The following PDZRN3 variants were observed in gnomAD, a reference collection of about 807,000 sequenced individuals.
PDZRN3 encodes the protein PDZ domain containing ring finger 3, also known as E3 ubiquitin-protein ligase PDZRN3.
In PDZRN3, 38 loss-of-function variants were observed where a neutral mutation model predicts 85.7. That is an observed-to-expected ratio of 0.44 (90% CI 0.34 to 0.58). PDZRN3 has a LOEUF of 0.58. Among genes scored for constraint, PDZRN3 ranks in the 20% least tolerant of loss-of-function variants. The pLI is 0.01. For synonymous variants in PDZRN3, 759 were observed against 638.0 expected (o/e 1.19, Z -2.86); for missense variants, 1,629 against 1,506.4 (o/e 1.08, Z -1.35).
chr3:73,467,866 A>G (rs1353613386), intron 3 of PDZRN3, among the ~76,000 whole-genome samples: 9 of 152,216 alleles, frequency 5.9e-5, no homozygotes, highest in Non-Finnish European at 1.0e-4. Flanking sequence ...CAAGTACTAT[A>G]TAATTCCACT....
chr3:73,452,233 C>A (rs1371001177), intron 3 of PDZRN3, among the ~76,000 whole-genome samples: 1 of 152,090 alleles, frequency 6.6e-6, no homozygotes, highest in African/African-American at 2.4e-5. Flanking sequence ...TGTGGGGCTA[C>A]ACGACTCAAA....
intron 3 of PDZRN3, among the ~76,000 whole-genome samples, chr3:73,570,580 G>A (rs1702032167): frequency 6.6e-6 from 1 of 152,154 alleles, no homozygotes; most frequent in Non-Finnish European, 1.5e-5. Flanking sequence ...AAAAGAGAAG[G>A]AATCCTCTCT....
At chr3:73,581,637 C>A (rs1702203170) in intron 3 of PDZRN3, among the ~76,000 whole-genome samples, 1 of 152,104 alleles carries the variant, frequency 6.6e-6, no homozygotes, top group South Asian at 2.1e-4. Flanking sequence ...GTCAATGGAA[C>A]TGTCACTGAA....
At chr3:73,402,957 T>C (rs1701782115) in intron 4 of PDZRN3, among the ~76,000 whole-genome samples, 1 of 149,678 alleles carries the variant, frequency 6.7e-6, no homozygotes, top group South Asian at 2.1e-4. Context: ...TTTTTTTTTT[T>C]TTTTGAGACG....
chr3:73,406,599 A>G (rs148970805), intron 3 of PDZRN3, among the ~76,000 whole-genome samples: 201 of 152,322 alleles, frequency 1.3e-3, no homozygotes, highest in Non-Finnish European at 1.7e-3. Flanking sequence ...TTCCCTGGGA[A>G]TGGCTTGCAC....
intron 1 of PDZRN3, among the ~76,000 whole-genome samples, chr3:73,619,650 C>T (rs1458636322): frequency 1.3e-5 from 2 of 152,048 alleles, no homozygotes; most frequent in Non-Finnish European, 2.9e-5. Context: ...GAGAGGAGCT[C>T]AGGGGCACAT....
rs1158851484 is a variant in PDZRN3, at chr3:73,383,177, A to G, written c.*188T>C. 3 of 535,940 alleles carry G rather than the reference A, an allele frequency of 5.6e-6. No homozygotes were observed. Among genetic ancestry groups the G allele is most frequent in the Non-Finnish European group, 3.2e-6 (1 of 309,386 alleles). The allele number at this position is 535,940 out of a possible 1,614,324, so 33.2% of individuals were successfully genotyped here. On this transcript the variant is annotated 3_prime_UTR_variant, in exon 10 of 10. Transcript: ENST00000263666. ...GTTAATATTGCCTTCCAAGATAGTAAGGGTGTTTTTCTCTCTCTTCCCTTA... is the reference window on the plus strand; with the variant it reads ...GTTAATATTGCCTTCCAAGATAGTAGGGGTGTTTTTCTCTCTCTTCCCTTA...
chr3:73,476,836 C>T (rs940343881), intron 3 of PDZRN3, among the ~76,000 whole-genome samples: 4 of 152,192 alleles, frequency 2.6e-5, no homozygotes, highest in African/African-American at 7.2e-5. Context: ...AGCCGACCCT[C>T]AGCTGAGCCT....
intron 3 of PDZRN3, among the ~76,000 whole-genome samples, chr3:73,415,984 CAAAAAA>C (rs34623609): frequency 6.7e-4 from 42 of 62,318 alleles, no homozygotes; most frequent in Admixed American, 2.2e-3. Flanking sequence ...CTTTCATCAC[CAAAAAA>C]AAAAAAAAAA....
At chr3:73,523,445 T>G (rs903137299) in intron 3 of PDZRN3, among the ~76,000 whole-genome samples, 5 of 149,472 alleles carry the variant, frequency 3.3e-5, no homozygotes, top group African/African-American at 9.8e-5. Context: ...AGTCACAAAT[T>G]GCAATAGCTA....
rs61045025 is a variant in PDZRN3 at position 73,584,980 on chromosome 3, A to G, written c.918+17374T>C. Among the ~76,000 whole-genome samples, 930 of 152,354 alleles carry G rather than the reference A, an allele frequency of 6.1e-3. 8 individuals are homozygous for G. Among genetic ancestry groups the G allele is most frequent in the African/African-American group, 0.021 (893 of 41,582 alleles). ...CTTTACTCCTTTAGAAATCTTTAAA[A>G]AAATTTTTTTTCAAAATAAACTATT... On this transcript the variant is annotated intron_variant, in intron 3 of 9. Coordinates refer to ENST00000263666, the MANE Select transcript of PDZRN3 (RefSeq NM_015009.3).
chr3:73,416,347 A>G (rs745354680), intron 3 of PDZRN3, among the ~76,000 whole-genome samples: 3 of 152,138 alleles, frequency 2.0e-5, no homozygotes, highest in Non-Finnish European at 4.4e-5. Flanking sequence ...AAATGCAAAC[A>G]CTAAATTTCA....
chr3:73,569,441 C>G, intron 3 of PDZRN3: 1 of 1,140,008 alleles, frequency 8.8e-7, no homozygotes, highest in Non-Finnish European at 1.1e-6. Context: ...GTCACGTTCT[C>G]TTAAGCCCCG....
At chr3:73,600,775 C>G (rs764909008) in intron 3 of PDZRN3, among the ~76,000 whole-genome samples, 4 of 152,150 alleles carry the variant, frequency 2.6e-5, no homozygotes, top group Non-Finnish European at 5.9e-5. Flanking sequence ...CTGTACTTAT[C>G]TTTTTGAACA....
chr3:73,563,017 T>TATA (rs1701866050), intron 3 of PDZRN3, among the ~76,000 whole-genome samples: 1 of 23,830 alleles, frequency 4.2e-5, no homozygotes, highest in Non-Finnish European at 7.8e-5. Context: ...ATATATATTT[T>TATA]TTTTTTTTTT....
chr3:73,594,570 T>G lies in PDZRN3; in HGVS notation c.918+7784A>C, dbSNP rs542983740. ...CATTCTAGAGATGAAGACTCAACAT[T>G]TAGAATCCCAACACCAGAGTGAATA... On this transcript the variant is annotated intron_variant, in intron 3 of 9. Transcript: ENST00000263666. Among the ~76,000 whole-genome samples, 80 of 152,238 alleles carry G rather than the reference T, an allele frequency of 5.3e-4. No individual in the cohort carries two copies. The Middle Eastern group carries it at 0.01, about 20-fold the overall frequency.
intron 3 of PDZRN3, among the ~76,000 whole-genome samples, chr3:73,575,732 G>A (rs34890736): frequency 0.17 from 25,487 of 152,096 alleles, 2,321 homozygotes; most frequent in Middle Eastern, 0.26. Flanking sequence ...ATCAGATGAC[G>A]GAATGGGAAC....
intron 3 of PDZRN3, among the ~76,000 whole-genome samples, chr3:73,531,304 G>C (rs1380088728): frequency 6.6e-6 from 1 of 150,884 alleles, no homozygotes; most frequent in African/African-American, 2.4e-5. Context: ...AAAGGTGTTG[G>C]AAAATGAACT....
intron 3 of PDZRN3, among the ~76,000 whole-genome samples, chr3:73,494,527 A>G (rs1252987712): frequency 1.3e-5 from 2 of 152,254 alleles, no homozygotes; most frequent in Non-Finnish European, 2.9e-5. Context: ...AGGAACTTAT[A>G]TACCTAGTAT....
Sources: gnomAD v4.1 joint callset for allele counts (sites outside exome capture counted in the v4.1 genomes callset) on GRCh38, gnomAD v4.1.1 for gene constraint, MANE v1.5 for transcripts, NCBI Gene and HGNC (gene_info 2026-07-23, HGNC 2026-07-21) for gene names.